The following PLEKHF2 variants were observed in gnomAD, a reference collection of about 807,000 sequenced individuals.
The protein encoded by PLEKHF2 is pleckstrin homology and FYVE domain containing 2.
A neutral mutation model predicts 14.7 loss-of-function variants in PLEKHF2; 4 were observed. That is an observed-to-expected ratio of 0.27 (90% confidence interval 0.13 to 0.62). The LOEUF (loss-of-function observed/expected upper bound fraction) is 0.62. PLEKHF2 is among the 20% of genes least tolerant of loss of function. The pLI, the probability that PLEKHF2 is intolerant of heterozygous loss-of-function variation, is 0.85. For synonymous variants in PLEKHF2, 90 were observed against 103.5 expected, an observed-to-expected ratio of 0.87 and a Z score of 0.79; for missense variants, 201 against 307.7, an observed-to-expected ratio of 0.65 and a Z score of 2.60.
At position 95,147,649 on chromosome 8, in the gene PLEKHF2, AT is replaced by A. The variant is rs1460160536; in HGVS notation, c.-14-6379del. ...CGAATTATTTAATCATTATTCATTAATTTCCCCCAATTATGCCAAAAAGAAG... is the reference window on the plus strand; with the variant it reads ...CGAATTATTTAATCATTATTCATTAATTCCCCCAATTATGCCAAAAAGAAG... On this transcript the variant is annotated intron_variant, in intron 1 of 1. Coordinates refer to ENST00000315367, the MANE Select transcript of PLEKHF2 (RefSeq NM_024613.4). Among the ~76,000 whole-genome samples, 5 of 151,948 alleles carry A rather than the reference AT, an allele frequency of 3.3e-5. No individual in the cohort carries two copies. In the East Asian group the frequency reaches 9.6e-4, roughly 29 times the overall value.
intron 1 of PLEKHF2, among the ~76,000 whole-genome samples, chr8:95,149,669 A>G (rs1418390600): frequency 1.3e-5 from 2 of 152,168 alleles, no homozygotes; most frequent in African/African-American, 4.8e-5. Flanking sequence ...TTCTTTATTC[A>G]TGCCTTTTGA....
At chr8:95,141,705 GTTT>G (rs111907566) in intron 1 of PLEKHF2, among the ~76,000 whole-genome samples, 2 of 131,650 alleles carry the variant, frequency 1.5e-5, no homozygotes, top group Non-Finnish European at 1.7e-5. Context: ...TTTGTGTTTT[GTTT>G]TTTTTTTTTT....
chr8:95,147,319 C>G lies in PLEKHF2; in HGVS notation c.-14-6712C>G, dbSNP rs1810509246. Among the ~76,000 whole-genome samples, 12 of 152,108 alleles carry G rather than the reference C, an allele frequency of 7.9e-5. No homozygotes were observed. The South Asian group carries it at 2.5e-3, about 31-fold the overall frequency. On this transcript the variant is annotated intron_variant, in intron 1 of 1. Coordinates refer to ENST00000315367, the MANE Select transcript of PLEKHF2 (RefSeq NM_024613.4). ...AAATTAGACTGTCTGGGGGAAGAAT[C>G]TAGGTATTGGTGTTTCTTAACCCTT...
intron 1 of PLEKHF2, among the ~76,000 whole-genome samples, chr8:95,145,475 T>C (rs1438230062): frequency 6.6e-6 from 1 of 151,900 alleles, no homozygotes; most frequent in Non-Finnish European, 1.5e-5. Flanking sequence ...AGTGTTGCTC[T>C]GTCACCGAGG....
chr8:95,150,464 G>A (rs73264567), intron 1 of PLEKHF2, among the ~76,000 whole-genome samples: 6,617 of 152,140 alleles, frequency 0.043, 231 homozygotes, highest in Middle Eastern at 0.12. Flanking sequence ...ATAATTATAC[G>A]AGTGTTTGTA....
intron 1 of PLEKHF2, among the ~76,000 whole-genome samples, chr8:95,143,739 GGAAA>G (rs1810461937): frequency 6.6e-6 from 1 of 152,194 alleles, no homozygotes. Flanking sequence ...AGGTAAAACT[GGAAA>G]GATAGATTGC....
At chr8:95,147,310 G>A in intron 1 of PLEKHF2, among the ~76,000 whole-genome samples, 1 of 151,940 alleles carries the variant, frequency 6.6e-6, no homozygotes, top group African/African-American at 2.4e-5. Context: ...GACTGTCTGG[G>A]GGAAGAATCT....
chr8:95,141,833 C>T (rs1378567566), intron 1 of PLEKHF2, among the ~76,000 whole-genome samples: 1 of 151,972 alleles, frequency 6.6e-6, no homozygotes, highest in Non-Finnish European at 1.5e-5. Flanking sequence ...AGCCACTGCA[C>T]CTTGCCCAGT....
chr8:95,143,200 C>T (rs990159812), intron 1 of PLEKHF2, among the ~76,000 whole-genome samples: 3 of 151,232 alleles, frequency 2.0e-5, no homozygotes, highest in Admixed American at 6.6e-5. Flanking sequence ...CCTGGGTTCG[C>T]GCCATTCTCC....
intron 1 of PLEKHF2, among the ~76,000 whole-genome samples, chr8:95,148,008 A>G (rs1041010859): frequency 1.3e-5 from 2 of 151,992 alleles, no homozygotes; most frequent in African/African-American, 4.8e-5. Context: ...ATGATTTCCT[A>G]GATGAGTTTT....
chr8:95,150,434 A>T (rs1345557611), intron 1 of PLEKHF2, among the ~76,000 whole-genome samples: 1 of 152,138 alleles, frequency 6.6e-6, no homozygotes, highest in East Asian at 1.9e-4. Context: ...AGATAAAAGA[A>T]TGCATCATTC....
Position 95,154,065 on chromosome 8 carries a change from C to A in PLEKHF2, c.21C>A (p.Asn7Lys). ...GAAAGATGGTGGATCGCTTGGCAAA[C>A]AGTGAAGCAAATACTAGACGTATAA... MVDRLANSEANTRRISI... is the reference protein window; with the variant it reads MVDRLAKSEANTRRISI... Residue 7 changes from asparagine to lysine, a missense_variant, in exon 2 of 2, where the codon AAC (asparagine) becomes AAA (lysine). Coordinates refer to ENST00000315367, the MANE Select transcript of PLEKHF2 (RefSeq NM_024613.4). The surrounding 1 kb of genome is among the most constrained non-coding windows in gnomAD (Gnocchi z 5.6). 2 of 1,587,858 alleles carry A rather than the reference C, an allele frequency of 1.3e-6. No homozygotes were observed. Among genetic ancestry groups the A allele is most frequent in the Non-Finnish European group, 8.6e-7 (1 of 1,166,358 alleles).
At chr8:95,136,660 A>G (rs1431133552) in intron 1 of PLEKHF2, among the ~76,000 whole-genome samples, 1 of 152,230 alleles carries the variant, frequency 6.6e-6, no homozygotes, top group Non-Finnish European at 1.5e-5. Context: ...AGCTCTATCA[A>G]TTATTGTTTT....
In PLEKHF2 at chr8:95,154,091, G is replaced by C. The variant is rs541625321; in HGVS notation, c.47G>C (p.Ser16Thr). The C allele has an allele frequency of 1.9e-6, 3 of 1,613,524 alleles. No individual in the cohort carries two copies. In the African/African-American group the frequency reaches 4.0e-5, roughly 22 times the overall value. Residue 16 changes from serine (S) to threonine (T), a missense_variant, in exon 2 of 2, where the codon AGT becomes ACT. By Grantham distance (58) the Ser-to-Thr change is moderately conservative. Transcript: ENST00000315367. This position sits in a 1 kb window ranked among gnomAD's most constrained non-coding sequence, Gnocchi z 5.6. The part of the protein sequence containing the change: ...ANSEANTRRI[S>T]IVENCFGAAG... ...AGTGAAGCAAATACTAGACGTATAA[G>C]TATAGTGGAAAACTGTTTTGGAGCA...
intron 1 of PLEKHF2, among the ~76,000 whole-genome samples, chr8:95,143,105 T>TTC (rs1353390609): frequency 2.6e-5 from 4 of 151,112 alleles, no homozygotes; most frequent in Non-Finnish European, 4.4e-5. Flanking sequence ...TTTTTTTTTT[T>TTC]TTTCTTTTTT....
Position 95,136,367 on chromosome 8 carries a change from CACACACAT to C in PLEKHF2, c.-15+2338_-15+2345del, listed in dbSNP as rs1213638212. ...ACACACACACACACACACACACACA[CACACACAT>C]GTTTTGTTGTTGTTTTGTTGAGAAT... On this transcript the variant is annotated intron_variant, in intron 1 of 1. Coordinates refer to ENST00000315367, the MANE Select transcript of PLEKHF2 (RefSeq NM_024613.4). Among the ~76,000 whole-genome samples, 12 of 145,236 alleles carry C rather than the reference CACACACAT, an allele frequency of 8.3e-5. No homozygotes were observed. The South Asian group carries it at 1.1e-3, about 13-fold the overall frequency.
At chr8:95,145,064 C>T (rs563002721) in intron 1 of PLEKHF2, among the ~76,000 whole-genome samples, 75 of 152,092 alleles carry the variant, frequency 4.9e-4, no homozygotes, top group Non-Finnish European at 8.8e-4. Context: ...ATGTTAACTT[C>T]CTTTTTTTCT....
chr8:95,154,534 G>A lies in PLEKHF2; in HGVS notation c.490G>A (p.Ala164Thr). ...AACTGTATGTATGCGTTGTCAGAAA[G>A]CAAAATTCACACCTGTTAATCGTCG... ...EATVCMRCQKAKFTPVNRRHH... is the reference protein window; with the variant it reads ...EATVCMRCQKTKFTPVNRRHH... Residue 164 changes from alanine (A) to threonine (T), a missense_variant, in exon 2 of 2, where the codon GCA becomes ACA. Ala to Thr is a moderately conservative substitution (Grantham distance 58). Transcript: ENST00000315367. The surrounding 1 kb of genome is among the most constrained non-coding windows in gnomAD (Gnocchi z 5.6). The A allele has an allele frequency of 4.3e-6, 7 of 1,614,176 alleles. No individual in the cohort carries two copies. Among genetic ancestry groups the A allele is most frequent in the Non-Finnish European group, 5.9e-6 (7 of 1,180,002 alleles).
intron 1 of PLEKHF2, among the ~76,000 whole-genome samples, chr8:95,149,256 G>A (rs981592385): frequency 5.9e-5 from 9 of 152,058 alleles, no homozygotes; most frequent in African/African-American, 2.2e-4. Context: ...TTAAGACTCA[G>A]TTTATAATAC....
Sources: allele counts gnomAD v4.1 joint callset (sites outside exome capture counted in the v4.1 genomes callset), GRCh38; gene constraint gnomAD v4.1.1; non-coding constraint Gnocchi (gnomAD v3.1); transcripts MANE v1.5; gene names NCBI Gene and HGNC (gene_info 2026-07-23, HGNC 2026-07-21).